FAM193A: variants seen among roughly 807,000 people sequenced by gnomAD.
FAM193A encodes the protein family with sequence similarity 193 member A, also known as protein FAM193A.
A neutral mutation model predicts 126.5 loss-of-function variants in FAM193A; 22 were observed. The observed-to-expected ratio is 0.17, with a 90% CI of 0.12 to 0.25. The LOEUF is 0.25. FAM193A is among the 10% of genes least tolerant of loss of function. The pLI, the probability that FAM193A is intolerant of heterozygous loss-of-function variation, is 1.00. For missense variants in FAM193A, 1,675 were observed against 1,672.8 expected (o/e 1.00, Z -0.02); for synonymous variants, 761 against 646.8 (o/e 1.18, Z -2.68).
intron 19 of FAM193A, among the ~76,000 whole-genome samples, chr4:2,712,419 T>C (rs1427056248): frequency 6.6e-6 from 1 of 152,210 alleles, no homozygotes; most frequent in East Asian, 1.9e-4. Flanking sequence ...TACTTGTGGC[T>C]TTTTGTGTTG....
intron 1 of FAM193A, among the ~76,000 whole-genome samples, chr4:2,595,603 G>T (rs1163112841): frequency 6.6e-6 from 1 of 152,210 alleles, no homozygotes; most frequent in Non-Finnish European, 1.5e-5. Flanking sequence ...TGGATGTGCA[G>T]CTGCCATCAG....
intron 2 of FAM193A, among the ~76,000 whole-genome samples, chr4:2,612,049 G>C (rs1741908709): frequency 6.6e-6 from 1 of 151,088 alleles, no homozygotes; most frequent in South Asian, 2.1e-4. Context: ...TGTTAGCCAG[G>C]ATGGTCTCGT....
At chr4:2,544,478 G>A (rs1441176855) in intron 1 of FAM193A, among the ~76,000 whole-genome samples, 1 of 152,106 alleles carries the variant, frequency 6.6e-6, no homozygotes, top group Non-Finnish European at 1.5e-5. Flanking sequence ...CGAGGTGGAA[G>A]GATCACGAGG....
chr4:2,625,719 CTTTTTT>C (rs35220520), intron 3 of FAM193A, among the ~76,000 whole-genome samples: 1 of 79,316 alleles, frequency 1.3e-5, no homozygotes. Context: ...TGGAGCTCAT[CTTTTTT>C]TTTTTTTTTT....
intron 20 of FAM193A, among the ~76,000 whole-genome samples, chr4:2,717,900 C>A (rs1051967963): frequency 9.2e-5 from 14 of 152,052 alleles, no homozygotes; most frequent in Admixed American, 7.2e-4. Flanking sequence ...GTGATCCACC[C>A]CCCCTTGGCC....
chr4:2,677,446 G>C (rs1714542215), intron 13 of FAM193A, among the ~76,000 whole-genome samples: 2 of 151,590 alleles, frequency 1.3e-5, no homozygotes, highest in Non-Finnish European at 2.9e-5. Flanking sequence ...TTTTTGTAGA[G>C]ATTGTTTGGG....
chr4:2,645,431 G>C lies in FAM193A; in HGVS notation c.1164-1254G>C, dbSNP rs188477849. On this transcript the variant is annotated intron_variant, in intron 6 of 20. Transcript: ENST00000637812. ...ATCTTGCTCAGTCTTTTCAGAAATC[G>C]AGGTGTTTTTTCTCACTGTCCACCT... is the stretch of plus-strand genomic sequence containing the variant. 6.6e-5 allele frequency among the ~76,000 whole-genome samples: 10 copies of C among 152,166 alleles called. No homozygotes were observed. In the South Asian group the frequency reaches 2.1e-3, roughly 32 times the overall value.
At chr4:2,555,418 T>C (rs1220285922) in intron 1 of FAM193A, among the ~76,000 whole-genome samples, 1 of 152,224 alleles carries the variant, frequency 6.6e-6, no homozygotes, top group Non-Finnish European at 1.5e-5. Flanking sequence ...TCTAAAAATC[T>C]ATAACTTGGT....
At position 2,644,727 on chromosome 4, in the gene FAM193A, G is replaced by C. The variant is rs146829516; in HGVS notation, c.1164-1958G>C. On this transcript the variant is annotated intron_variant, in intron 6 of 20. Transcript: ENST00000637812. ...GCTTCAGTAGCTGCAAGGTTCCCAGGTGCGATTTACCTGAGGGTGGAGATA... is the reference window on the plus strand; with the variant it reads ...GCTTCAGTAGCTGCAAGGTTCCCAGCTGCGATTTACCTGAGGGTGGAGATA... Among the ~76,000 whole-genome samples, 535 of 152,216 alleles carry C rather than the reference G, an allele frequency of 3.5e-3. 3 individuals carry two copies. The highest frequency in any genetic ancestry group is 0.013 in the African/African-American group (519 of 41,516).
At chr4:2,677,893 A>T (rs1372642584) in intron 13 of FAM193A, among the ~76,000 whole-genome samples, 1 of 152,240 alleles carries the variant, frequency 6.6e-6, no homozygotes, top group Non-Finnish European at 1.5e-5. Context: ...CACTTTGGGC[A>T]GTATGTACAT....
intron 5 of FAM193A, among the ~76,000 whole-genome samples, chr4:2,635,186 G>T (rs1743970371): frequency 6.6e-6 from 1 of 152,112 alleles, no homozygotes; most frequent in Admixed American, 6.6e-5. Context: ...TTCCAATCAG[G>T]ACCCAAAAAT....
At chr4:2,730,274 C>T (rs1311475327) in intron 20 of FAM193A, among the ~76,000 whole-genome samples, 1 of 152,172 alleles carries the variant, frequency 6.6e-6, no homozygotes, top group Non-Finnish European at 1.5e-5. Flanking sequence ...TGACTATTTG[C>T]CTGGCTAAGA....
rs771053139 is a variant in FAM193A, at chr4:2,689,730, G to A, written c.2530+26G>A. 1.0e-5 allele frequency: 16 copies of A among 1,524,828 alleles called. 1 individual carries two copies. In the Middle Eastern group the frequency reaches 1.4e-3, roughly 133 times the overall value. 94.5% of individuals were successfully genotyped at this position (1,524,828 alleles called of 1,614,324 possible). ...GTAAGGAATTTGTTAAAACTTTCTTGAAGTTTTAAAATAACCTGAGTAGAC... is the reference window on the plus strand; with the variant it reads ...GTAAGGAATTTGTTAAAACTTTCTTAAAGTTTTAAAATAACCTGAGTAGAC... On this transcript the variant is annotated intron_variant, in intron 14 of 20. Coordinates refer to ENST00000637812, the MANE Select transcript of FAM193A (RefSeq NM_001366318.2).
intron 2 of FAM193A, among the ~76,000 whole-genome samples, chr4:2,602,079 T>A (rs1205708718): frequency 6.6e-6 from 1 of 152,102 alleles, no homozygotes; most frequent in Non-Finnish European, 1.5e-5. Flanking sequence ...CCTCAAGTGA[T>A]CCTCCTGCTG....
chr4:2,721,237 T>C (rs1052569273), intron 20 of FAM193A, among the ~76,000 whole-genome samples: 5 of 135,376 alleles, frequency 3.7e-5, no homozygotes, highest in African/African-American at 1.4e-4. Context: ...GGCGTGAACC[T>C]GGGAGGCAGA....
chr4:2,725,617 A>C (rs1289260643), intron 20 of FAM193A, among the ~76,000 whole-genome samples: 3 of 151,958 alleles, frequency 2.0e-5, no homozygotes. Context: ...TAACCTCTTA[A>C]TGTTGTCATA....
At chr4:2,721,904 A>G (rs980840469) in intron 20 of FAM193A, among the ~76,000 whole-genome samples, 2 of 152,252 alleles carry the variant, frequency 1.3e-5, no homozygotes, top group Non-Finnish European at 2.9e-5. Context: ...GAAGACGAAC[A>G]GACTGTCACC....
At chr4:2,559,992 CTT>C (rs1327076200) in intron 1 of FAM193A, among the ~76,000 whole-genome samples, 1 of 150,934 alleles carries the variant, frequency 6.6e-6, no homozygotes, top group Non-Finnish European at 1.5e-5. Flanking sequence ...GAGTTTCACT[CTT>C]GTTGCCCAGG....
chr4:2,724,029 C>CT lies in FAM193A; in HGVS notation c.4455-7732dup, dbSNP rs35528557. ...AAATGGCATGAGGCCAACAGAATGTCTTTTTTTTTTTTTTCAGCTTACTCA... is the reference window on the plus strand; with the variant it reads ...AAATGGCATGAGGCCAACAGAATGTCTTTTTTTTTTTTTTTCAGCTTACTCA... On this transcript the variant is annotated intron_variant, in intron 20 of 20. Transcript: ENST00000637812. Among the ~76,000 whole-genome samples the CT allele has an allele frequency of 7.5e-3, 1,105 of 147,798 alleles. 12 individuals carry two copies. The highest frequency in any genetic ancestry group is 0.012 in the Non-Finnish European group (810 of 66,904).
Sources: gnomAD v4.1 joint callset for allele counts (sites outside exome capture counted in the v4.1 genomes callset) on GRCh38, gnomAD v4.1.1 for gene constraint, MANE v1.5 for transcripts, NCBI Gene and HGNC (gene_info 2026-07-23, HGNC 2026-07-21) for gene names.